Variants in IFNGR1 observed in about 807,000 individuals in gnomAD.
The protein encoded by IFNGR1 is AVP, type 2.
In IFNGR1, 23 loss-of-function variants were observed where a neutral mutation model predicts 35.4. The ratio of observed to expected loss-of-function variants is 0.65; its 90% CI spans 0.47 to 0.92. The LOEUF (loss-of-function observed/expected upper bound fraction) is 0.92, where lower values mean the gene tolerates loss of function less well. IFNGR1 is among the 40% of genes least tolerant of loss of function. IFNGR1 has a pLI of 0.00. For missense variants in IFNGR1, 533 were observed against 583.4 expected, an observed-to-expected ratio of 0.91 and a Z score of 0.89; for synonymous variants, 199 against 209.5, an observed-to-expected ratio of 0.95 and a Z score of 0.43.
At chr6:137,205,712 G>A (rs1305734459) in intron 3 of IFNGR1, among the ~76,000 whole-genome samples, 1 of 152,154 alleles carries the variant, frequency 6.6e-6, no homozygotes, top group Non-Finnish European at 1.5e-5. Context: ...TGGCATAGAA[G>A]CAGCTAAGTG....
rs368215831 is a variant in IFNGR1 at position 137,198,655 on chromosome 6, T to C, written c.862-16A>G. The C allele has an allele frequency of 6.9e-6, 11 of 1,598,366 alleles. No individual in the cohort carries two copies. Among genetic ancestry groups the C allele is most frequent in the Admixed American group, 1.7e-5 (1 of 59,824 alleles). ...CCACAGAGATCTATGGGGAGAAAAA[T>C]TGATTAAAGATAAAAAATTGTTAAG... On this transcript the variant is annotated splice_polypyrimidine_tract_variant and intron_variant, in intron 6 of 6. Coordinates refer to ENST00000367739, the MANE Select transcript of IFNGR1 (RefSeq NM_000416.3).
chr6:137,202,210 GAGCAAGTGCTGGCTGC>G (rs1363183363), intron 5 of IFNGR1, among the ~76,000 whole-genome samples: 1 of 152,242 alleles, frequency 6.6e-6, no homozygotes, highest in Non-Finnish European at 1.5e-5. Flanking sequence ...CCCACGGGCT[GAGCAAGTGCTGGCTGC>G]AAGGCATTGA....
chr6:137,206,544 T>G, intron 2 of IFNGR1: 1 of 460,036 alleles, frequency 2.2e-6, no homozygotes, highest in Non-Finnish European at 3.8e-6. Flanking sequence ...CAAGCCACAT[T>G]CCACATTCAA....
intron 2 of IFNGR1, 54 bp from the exon 3 acceptor site, chr6:137,206,362 A>G: frequency 7.4e-7 from 1 of 1,358,018 alleles, no homozygotes; most frequent in East Asian, 2.3e-5. Context: ...AAATAAACTC[A>G]AACCATTTCT....
At chr6:137,209,293 T>C (rs1779520246) in intron 1 of IFNGR1, among the ~76,000 whole-genome samples, 1 of 152,110 alleles carries the variant, frequency 6.6e-6, no homozygotes, top group South Asian at 2.1e-4. Context: ...AGTTAAGACT[T>C]TGGGAGACTG....
At chr6:137,214,135 G>A (rs562475301) in intron 1 of IFNGR1, among the ~76,000 whole-genome samples, 1 of 152,228 alleles carries the variant, frequency 6.6e-6, no homozygotes, top group Non-Finnish European at 1.5e-5. Flanking sequence ...TTTTCCTTAA[G>A]AACAACTCTC....
At chr6:137,206,670 T>C (rs950807980) in intron 2 of IFNGR1, 2 of 412,464 alleles carry the variant, frequency 4.8e-6, no homozygotes, top group South Asian at 4.0e-5. Context: ...GAAATTTATA[T>C]TGTTCTACTA....
chr6:137,199,486 A>ATT (rs1562283254), intron 6 of IFNGR1, among the ~76,000 whole-genome samples: 1 of 84,170 alleles, frequency 1.2e-5, no homozygotes, highest in East Asian at 2.8e-4. Context: ...TATAATTTAT[A>ATT]ATATATTATA....
chr6:137,205,627 A>G (rs943554324), intron 3 of IFNGR1, among the ~76,000 whole-genome samples: 1 of 152,204 alleles, frequency 6.6e-6, no homozygotes, highest in Non-Finnish European at 1.5e-5. Flanking sequence ...GAATGACAAA[A>G]GATGGGAAGG....
Position 137,198,110 on chromosome 6 carries a change from A to G in IFNGR1, c.1391T>C (p.Val464Ala), listed in dbSNP as rs771739984. 2 of 1,614,198 alleles carry G rather than the reference A, an allele frequency of 1.2e-6. No individual in the cohort carries two copies. Among genetic ancestry groups the G allele is most frequent in the Admixed American group, 3.3e-5 (2 of 60,020 alleles). ...SFGYDKPHVL[V>A]DLLVDDSGKE... is the part of the protein sequence containing the mutation. ...ACCGCTATCATCCACAAGTAGATCC[A>G]CTAGCACATGTGGTTTATCATAACC... The change falls in exon 7 of 7, where the codon GTG (valine) becomes GCG (alanine). Residue 464 changes from valine to alanine, a missense_variant. Transcript: ENST00000367739.
At chr6:137,209,331 G>T (rs1344329236) in intron 1 of IFNGR1, among the ~76,000 whole-genome samples, 1 of 152,162 alleles carries the variant, frequency 6.6e-6, no homozygotes, top group Admixed American at 6.5e-5. Context: ...GTTTTGAAAT[G>T]TAAGGACATG....
chr6:137,207,685 C>T lies in IFNGR1; in HGVS notation c.86-608G>A, dbSNP rs150981731. 1.5e-3 allele frequency among the ~76,000 whole-genome samples: 232 copies of T among 152,278 alleles called. 1 individual carries two copies. Among genetic ancestry groups the T allele is most frequent in the African/African-American group, 5.3e-3 (222 of 41,552 alleles). ...CTTGCTGCCACCATGTAAGAAGTGC[C>T]TTTCTCCCCCGCCATGATTCTGAGG... On this transcript the variant is annotated intron_variant, in intron 1 of 6. Coordinates refer to ENST00000367739, the MANE Select transcript of IFNGR1 (RefSeq NM_000416.3).
intron 1 of IFNGR1, chr6:137,209,959 C>T: frequency 2.5e-6 from 1 of 398,554 alleles, no homozygotes; most frequent in Non-Finnish European, 4.4e-6. Flanking sequence ...TGCCTTCACT[C>T]TTTCAGAAAA....
rs146424575 is a variant in IFNGR1 at position 137,198,159 on chromosome 6, C to A, written c.1342G>T (p.Val448Leu). 7.6e-5 allele frequency: 122 copies of A among 1,614,004 alleles called. No homozygotes were observed. The highest frequency in any genetic ancestry group is 1.0e-4 in the Non-Finnish European group (118 of 1,180,024). ...IKTEGQELIT[V>L]IKAPTSFGYD... ...CCAAAGGAGGTGGGGGCTTTTATTA[C>A]GGTTATGAGCTCTTGTCCTTCTGTT... is the stretch of plus-strand genomic sequence containing the variant. The change falls in exon 7 of 7, where the codon GTA (valine) becomes TTA (leucine). Residue 448 changes from valine to leucine, a missense_variant. Val to Leu is a conservative substitution (Grantham distance 32). Coordinates refer to ENST00000367739, the MANE Select transcript of IFNGR1 (RefSeq NM_000416.3).
At chr6:137,216,460 T>G (rs1364833170) in intron 1 of IFNGR1, among the ~76,000 whole-genome samples, 3 of 152,238 alleles carry the variant, frequency 2.0e-5, no homozygotes, top group African/African-American at 7.2e-5. Flanking sequence ...TAAGAAGTAT[T>G]AATGAAAGCC....
At chr6:137,202,013 C>T (rs1048438735) in intron 5 of IFNGR1, among the ~76,000 whole-genome samples, 4 of 151,648 alleles carry the variant, frequency 2.6e-5, no homozygotes, top group African/African-American at 9.7e-5. Flanking sequence ...TCCAAATTAA[C>T]AGCACTCTAA....
Position 137,198,403 on chromosome 6 carries a change from G to A in IFNGR1, c.1098C>T (p.Val366=), listed in dbSNP as rs1218749878. 6.2e-7 allele frequency: 1 copy of A among 1,614,020 alleles called. No individual in the cohort carries two copies. Among genetic ancestry groups the A allele is most frequent in the Admixed American group, 1.7e-5 (1 of 59,988 alleles). The change falls in exon 7 of 7, where the codon GTC becomes GTT. Residue 366 remains valine, a synonymous_variant. Transcript: ENST00000367739. ...CTATTGGAGTCAGATGGCTGCCCGGGACCACGTCAGGAATATTTTCTTCAG... is the reference window on the plus strand; with the variant it reads ...CTATTGGAGTCAGATGGCTGCCCGGAACCACGTCAGGAATATTTTCTTCAG... ...VTTEENIPDV[V]PGSHLTPIER...
At chr6:137,217,441 C>T (rs2114521146) in intron 1 of IFNGR1, among the ~76,000 whole-genome samples, 1 of 152,280 alleles carries the variant, frequency 6.6e-6, no homozygotes, top group Non-Finnish European at 1.5e-5. Flanking sequence ...CCAACCCAAC[C>T]CTCTACGAGA....
chr6:137,204,287 C>G, intron 4 of IFNGR1, 45 bp downstream of exon 4: 2 of 1,524,470 alleles, frequency 1.3e-6, no homozygotes, highest in Non-Finnish European at 1.8e-6. Context: ...ACAACTTTTG[C>G]TAGCTACACA....
Sources: gnomAD v4.1 joint callset for allele counts (sites outside exome capture counted in the v4.1 genomes callset) on GRCh38, gnomAD v4.1.1 for gene constraint, MANE v1.5 for transcripts, NCBI Gene and HGNC (gene_info 2026-07-23, HGNC 2026-07-21) for gene names.